ZNF766: variants seen among roughly 807,000 people sequenced by gnomAD.
ZNF766 encodes zinc finger protein 766.
Under a neutral mutation model 13.2 loss-of-function variants are expected in ZNF766, and 13 were observed. The observed-to-expected ratio is 0.98, with a 90% CI of 0.64 to 1.56. The LOEUF (loss-of-function observed/expected upper bound fraction) is 1.56. ZNF766 is among the 40% of genes most tolerant of loss of function. ZNF766 has a pLI of 0.00. For synonymous variants in ZNF766, 178 were observed against 187.6 expected, an observed-to-expected ratio of 0.95 and a Z score of 0.42; for missense variants, 521 against 552.2, an observed-to-expected ratio of 0.94 and a Z score of 0.57.
chr19:52,287,208 C>T (rs10409096), intron 3 of ZNF766, among the ~76,000 whole-genome samples: 12,787 of 150,644 alleles, frequency 0.085, 1,183 homozygotes, highest in African/African-American at 0.23. Context: ...AGTGGTGTGA[C>T]CTCGGCTCAC....
chr19:52,271,981 A>AC (rs1491100174), intron 1 of ZNF766, among the ~76,000 whole-genome samples: 1 of 17,180 alleles, frequency 5.8e-5, no homozygotes, highest in Non-Finnish European at 2.1e-4. Context: ...AGACTGTCTC[A>AC]AAAAAAAAAA....
chr19:52,282,296 T>C (rs2122478430), intron 2 of ZNF766, 59 bp downstream of exon 2: 5 of 1,518,418 alleles, frequency 3.3e-6, no homozygotes, highest in Admixed American at 2.1e-5. Context: ...GCATTTTCCC[T>C]TGTGTGCCTC....
At chr19:52,270,935 C>T (rs1027406034) in intron 1 of ZNF766, among the ~76,000 whole-genome samples, 1 of 152,090 alleles carries the variant, frequency 6.6e-6, no homozygotes, top group Non-Finnish European at 1.5e-5. Flanking sequence ...CAGGCGCCCG[C>T]CAGCTCGCCT....
chr19:52,283,682 G>T (rs1981660375), intron 3 of ZNF766, among the ~76,000 whole-genome samples: 1 of 152,170 alleles, frequency 6.6e-6, no homozygotes, highest in African/African-American at 2.4e-5. Flanking sequence ...GTTCTTAAGA[G>T]AAATCTTTCT....
chr19:52,278,354 A>G (rs1191920200), intron 1 of ZNF766, among the ~76,000 whole-genome samples: 2 of 152,114 alleles, frequency 1.3e-5, no homozygotes, highest in African/African-American at 4.8e-5. Flanking sequence ...CTTGTTGGCT[A>G]CATGTATGTC....
At chr19:52,277,139 AT>A in intron 1 of ZNF766, 1 of 1,064,476 alleles carries the variant, frequency 9.4e-7, no homozygotes. Context: ...TAAACAGCAT[AT>A]TTTTGACATT....
At chr19:52,286,814 T>C (rs117165542) in intron 3 of ZNF766, among the ~76,000 whole-genome samples, 1,669 of 152,262 alleles carry the variant, frequency 0.011, 85 homozygotes, top group Admixed American at 0.089. Flanking sequence ...TGCATTAGAT[T>C]AATCAGGAAT....
Position 52,290,277 on chromosome 19 carries a change from T to A in ZNF766, c.486T>A (p.Asn162Lys), listed in dbSNP as rs1048323700. The change falls in exon 4 of 4, where the codon AAT becomes AAA. Residue 162 changes from asparagine (N) to lysine (K), a missense_variant. By Grantham distance (94) the Asn-to-Lys change is moderately conservative (BLOSUM62 0). Transcript: ENST00000439461. Reference sequence around the variant, plus strand: ...CTGGGGTCAAAACCCACATATTTAATAAACATAGGAATGATTTTGTTGATT... The same window carrying A: ...CTGGGGTCAAAACCCACATATTTAAAAAACATAGGAATGATTTTGTTGATT... ...IYSGVKTHIFNKHRNDFVDFP... is the reference protein window; with the variant it reads ...IYSGVKTHIFKKHRNDFVDFP... 47 of 1,613,836 alleles carry A rather than the reference T, an allele frequency of 2.9e-5. No homozygotes were observed. Among genetic ancestry groups the A allele is most frequent in the Non-Finnish European group, 3.9e-5 (46 of 1,179,876 alleles).
In ZNF766 at chr19:52,294,946, A is replaced by G. The variant is rs568566804; in HGVS notation, c.*3748A>G. 22 of 150,968 alleles carry G rather than the reference A, an allele frequency of 1.5e-4. No individual in the cohort carries two copies. The highest frequency in any genetic ancestry group is 3.1e-4 in the Non-Finnish European group (21 of 67,790). The allele number at this position is 150,968 out of a possible 1,614,324, so 9.4% of individuals were successfully genotyped here. ...TGTGGGTTTATAATAAATATAATGT[A>G]TTATATAATATGATTAAAATATATT... On this transcript the variant is annotated 3_prime_UTR_variant, in exon 4 of 4. Coordinates refer to ENST00000439461, the MANE Select transcript of ZNF766 (RefSeq NM_001010851.3).
Position 52,269,636 on chromosome 19 carries a change from G to C in ZNF766, c.18+5G>C. 1 of 1,612,850 alleles carries C rather than the reference G, an allele frequency of 6.2e-7. No homozygotes were observed. Among genetic ancestry groups the C allele is most frequent in the South Asian group, 1.1e-5 (1 of 91,018 alleles). On this transcript the variant is annotated splice_donor_5th_base_variant and intron_variant, in intron 1 of 3. Coordinates refer to ENST00000439461, the MANE Select transcript of ZNF766 (RefSeq NM_001010851.3). Reference sequence around the variant, plus strand: ...GATATGGCGCAACTGCGGCGCGTGAGTTTTCCTTTGTTTAGATTAAGTGTT... The same window carrying C: ...GATATGGCGCAACTGCGGCGCGTGACTTTTCCTTTGTTTAGATTAAGTGTT...
At position 52,283,369 on chromosome 19, in the gene ZNF766, C is replaced by CA. The variant is rs756770251; in HGVS notation, c.236dup (p.Asn79LysfsTer4). 5.6e-6 allele frequency: 9 copies of CA among 1,609,776 alleles called. No homozygotes were observed. In the African/African-American group the frequency reaches 1.1e-4, roughly 19 times the overall value. Reference sequence around the variant, plus strand: ...ACTGTGGAGAATGAAATGAAAGTAGCAAAAAATCCAGATAGGTGGGAAGGT... The same window carrying CA: ...ACTGTGGAGAATGAAATGAAAGTAGCAAAAAAATCCAGATAGGTGGGAAGGT... On this transcript the variant is annotated frameshift_variant, in exon 3 of 4. Transcript: ENST00000439461. LOFTEE classifies it low-confidence loss of function (END_TRUNC).
intron 1 of ZNF766, among the ~76,000 whole-genome samples, chr19:52,270,509 AGAG>A (rs1980931152): frequency 6.6e-6 from 1 of 151,898 alleles, no homozygotes; most frequent in Non-Finnish European, 1.5e-5. Context: ...AAAGTTGGGG[AGAG>A]GAGGAGGGAT....
In ZNF766 at chr19:52,288,352, G is replaced by T. The variant is rs1236304899; in HGVS notation, c.275-1714G>T. ...ATTTTTTTCTTTATTGAGATATAAA[G>T]TTAGGTTGTTTATACGTTATTTCAT... is the stretch of plus-strand genomic sequence containing the variant. On this transcript the variant is annotated intron_variant, in intron 3 of 3. Transcript: ENST00000439461. Among the ~76,000 whole-genome samples the T allele has an allele frequency of 2.0e-5, 3 of 149,880 alleles. 1 individual carries two copies. The highest frequency in any genetic ancestry group is 4.4e-5 in the Non-Finnish European group (3 of 67,888).
chr19:52,289,032 A>G (rs1282177297), intron 3 of ZNF766, among the ~76,000 whole-genome samples: 1 of 145,438 alleles, frequency 6.9e-6, no homozygotes, highest in Non-Finnish European at 1.5e-5. Context: ...TTATTTTTTT[A>G]TTTTTAGTAG....
In ZNF766 at chr19:52,280,624, C is replaced by T. The variant is rs372208151; in HGVS notation, c.19-1487C>T. 5.9e-5 allele frequency among the ~76,000 whole-genome samples: 9 copies of T among 151,788 alleles called. No homozygotes were observed. The East Asian group carries it at 7.8e-4, about 13-fold the overall frequency. ...TTGAAACTGAGTCTTGCTCTGTCGC[C>T]CAGGCTGGAGTGCAGTGGCGTGATC... is the stretch of plus-strand genomic sequence containing the variant. On this transcript the variant is annotated intron_variant, in intron 1 of 3. Coordinates refer to ENST00000439461, the MANE Select transcript of ZNF766 (RefSeq NM_001010851.3).
At chr19:52,283,446 AC>A in intron 3 of ZNF766, 33 bp downstream of exon 3, 1 of 1,467,482 alleles carries the variant, frequency 6.8e-7, no homozygotes, top group Non-Finnish European at 9.0e-7. Flanking sequence ...TGAAAGCCAC[AC>A]TTTTTTTTTT....
In ZNF766 at chr19:52,290,364, G is replaced by A; in HGVS notation, c.573G>A (p.Glu191=). The A allele has an allele frequency of 4.3e-6, 7 of 1,614,036 alleles. No individual in the cohort carries two copies. The highest frequency in any genetic ancestry group is 4.2e-6 in the Non-Finnish European group (5 of 1,180,044). ...HIRRKPYECN[E]QGKVFRVSSS... is the part of the protein sequence containing the mutation. Reference sequence around the variant, plus strand: ...GGAGAAAACCTTACGAATGTAATGAGCAGGGCAAAGTCTTCAGAGTGTCTT... The same window carrying A: ...GGAGAAAACCTTACGAATGTAATGAACAGGGCAAAGTCTTCAGAGTGTCTT... The change falls in exon 4 of 4, where the codon GAG becomes GAA. Residue 191 remains glutamate (E), a synonymous_variant. Coordinates refer to ENST00000439461, the MANE Select transcript of ZNF766 (RefSeq NM_001010851.3).
intron 1 of ZNF766, among the ~76,000 whole-genome samples, chr19:52,277,795 G>A (rs1234670336): frequency 6.6e-6 from 1 of 152,040 alleles, no homozygotes; most frequent in Non-Finnish European, 1.5e-5. Flanking sequence ...TGGAGACGGG[G>A]TGAGGGCCCC....
intron 1 of ZNF766, chr19:52,277,579 T>C (rs961783439): frequency 1.2e-5 from 19 of 1,542,616 alleles, no homozygotes; most frequent in Non-Finnish European, 1.6e-5. Context: ...CTGTTTCTTA[T>C]TTCTTCCTGA....
Sources: gnomAD v4.1 joint callset for allele counts (sites outside exome capture counted in the v4.1 genomes callset) on GRCh38, gnomAD v4.1.1 for gene constraint, MANE v1.5 for transcripts, NCBI Gene and HGNC (gene_info 2026-07-23, HGNC 2026-07-21) for gene names.